CSMD1: variants seen among roughly 807,000 people sequenced by gnomAD.
CSMD1 encodes CUB and sushi domain-containing protein 1.
In CSMD1, 213 loss-of-function variants were observed where a neutral mutation model predicts 417.5. The observed-to-expected ratio is 0.51, with a 90% CI of 0.46 to 0.57. The LOEUF is 0.57. Ranked by LOEUF, CSMD1 falls within the 20% of genes least tolerant of loss-of-function variation. CSMD1 has a pLI of 0.00. For missense variants in CSMD1, 6,923 were observed against 4,529.7 expected, an observed-to-expected ratio of 1.53 and a Z score of -15.17; for synonymous variants, 2,862 against 1,736.8, an observed-to-expected ratio of 1.65 and a Z score of -16.11.
chr8:4,340,997 G>A (rs4568637), intron 3 of CSMD1, among the ~76,000 whole-genome samples: 124,802 of 151,998 alleles, frequency 0.82, 51,441 homozygotes, highest in African/African-American at 0.88. Flanking sequence ...AATTATCACA[G>A]TCATCCTATT....
At chr8:3,245,756 C>G (rs775843978) in intron 26 of CSMD1, among the ~76,000 whole-genome samples, 1 of 152,140 alleles carries the variant, frequency 6.6e-6, no homozygotes, top group African/African-American at 2.4e-5. Context: ...GGATCTAGAA[C>G]GGACTATGTG....
intron 3 of CSMD1, among the ~76,000 whole-genome samples, chr8:4,247,324 G>A (rs150284219): frequency 1.3e-5 from 2 of 152,114 alleles, no homozygotes; most frequent in African/African-American, 4.8e-5. Flanking sequence ...ACACTGCCCT[G>A]TCATACCACA....
At position 3,014,983 on chromosome 8, in the gene CSMD1, T is replaced by C. The variant is rs143992706; in HGVS notation, c.8029+3494A>G. Among the ~76,000 whole-genome samples, 5 of 151,272 alleles carry C rather than the reference T, an allele frequency of 3.3e-5. No individual in the cohort carries two copies. In the East Asian group the frequency reaches 7.7e-4, roughly 23 times the overall value. On this transcript the variant is annotated intron_variant, in intron 52 of 69. Coordinates refer to ENST00000635120, the MANE Select transcript of CSMD1 (RefSeq NM_033225.6). The stretch of plus-strand genomic sequence containing the variant: ...ATTCCATAATAAAGCTTCTTCATGA[T>C]GTGCTTATTACACACCGTATGTGTG...
intron 25 of CSMD1, among the ~76,000 whole-genome samples, chr8:3,305,114 C>T (rs879813608): frequency 6.6e-6 from 1 of 152,084 alleles, no homozygotes. Flanking sequence ...CAACTGGGCT[C>T]AAGACATCCT....
intron 3 of CSMD1, among the ~76,000 whole-genome samples, chr8:4,245,526 C>A (rs141074734): frequency 5.3e-4 from 80 of 152,258 alleles, no homozygotes; most frequent in Non-Finnish European, 9.3e-4. Flanking sequence ...AATCCATGGT[C>A]TCTCCATGCT....
chr8:3,640,575 A>G (rs994434112), intron 7 of CSMD1, among the ~76,000 whole-genome samples: 1 of 152,220 alleles, frequency 6.6e-6, no homozygotes, highest in Non-Finnish European at 1.5e-5. Flanking sequence ...AAGAGAAAAT[A>G]TATTTTCTCT....
intron 2 of CSMD1, among the ~76,000 whole-genome samples, chr8:4,461,836 G>A (rs1015131477): frequency 1.1e-4 from 17 of 151,222 alleles, no homozygotes; most frequent in African/African-American, 4.1e-4. Context: ...CACCTACGGG[G>A]TTCCCGCCAT....
chr8:3,393,070 C>T lies in CSMD1; in HGVS notation c.2593+3124G>A, dbSNP rs187423174. On this transcript the variant is annotated intron_variant, in intron 17 of 69. Coordinates refer to ENST00000635120, the MANE Select transcript of CSMD1 (RefSeq NM_033225.6). ...TCCATATGTCTCTTCAAATACACAGCGACTGATACATAAATAAGAAGTGAT... is the reference window on the plus strand; with the variant it reads ...TCCATATGTCTCTTCAAATACACAGTGACTGATACATAAATAAGAAGTGAT... Among the ~76,000 whole-genome samples, 22 of 152,260 alleles carry T rather than the reference C, an allele frequency of 1.4e-4. No homozygotes were observed. The South Asian group carries it at 1.9e-3, about 13-fold the overall frequency.
chr8:3,646,891 T>G (rs1797602340), intron 7 of CSMD1, among the ~76,000 whole-genome samples: 1 of 152,158 alleles, frequency 6.6e-6, no homozygotes, highest in African/African-American at 2.4e-5. Context: ...TCCTCTAGTT[T>G]TGATGAGTAG....
chr8:4,509,305 T>G (rs1236657952), intron 2 of CSMD1, among the ~76,000 whole-genome samples: 1 of 152,090 alleles, frequency 6.6e-6, no homozygotes, highest in East Asian at 1.9e-4. Context: ...TTGGAAGATG[T>G]TTCCTCCCTA....
At chr8:4,096,853 A>G (rs557922604) in intron 3 of CSMD1, among the ~76,000 whole-genome samples, 5 of 152,142 alleles carry the variant, frequency 3.3e-5, no homozygotes, top group Non-Finnish European at 7.4e-5. Flanking sequence ...TGTCTCAGGT[A>G]AAGGATTCCT....
chr8:4,665,007 T>A (rs1280270485), intron 1 of CSMD1, among the ~76,000 whole-genome samples: 1 of 152,242 alleles, frequency 6.6e-6, no homozygotes, highest in Non-Finnish European at 1.5e-5. Flanking sequence ...TTCTTCATTT[T>A]ATTATTACCA....
intron 1 of CSMD1, among the ~76,000 whole-genome samples, chr8:4,767,276 A>C (rs2118571): frequency 1 from 152,103 of 152,300 alleles, 75,953 homozygotes; most frequent in Middle Eastern, 1. Context: ...TTAAATGCCA[A>C]TTAAAACAAG....
At chr8:4,453,182 AACAC>A (rs1234880347) in intron 2 of CSMD1, among the ~76,000 whole-genome samples, 3 of 148,060 alleles carry the variant, frequency 2.0e-5, no homozygotes, top group Non-Finnish European at 4.5e-5. Flanking sequence ...CCTCCATCCC[AACAC>A]ACAGACACAC....
chr8:4,717,233 G>C (rs1402976727), intron 1 of CSMD1, among the ~76,000 whole-genome samples: 1 of 150,800 alleles, frequency 6.6e-6, no homozygotes, highest in African/African-American at 2.5e-5. Context: ...ACATAACATA[G>C]CTACCTTGGT....
chr8:4,883,155 T>C (rs1406683310), intron 1 of CSMD1, among the ~76,000 whole-genome samples: 1 of 152,034 alleles, frequency 6.6e-6, no homozygotes, highest in African/African-American at 2.4e-5. Context: ...CAATGGGGCA[T>C]CGTCATTTTC....
intron 26 of CSMD1, among the ~76,000 whole-genome samples, chr8:3,243,896 C>T (rs1298358837): frequency 6.6e-6 from 1 of 152,056 alleles, no homozygotes; most frequent in Non-Finnish European, 1.5e-5. Context: ...CTATTAAATG[C>T]ATGAACTACA....
chr8:3,587,161 G>C (rs1250593381), intron 8 of CSMD1, among the ~76,000 whole-genome samples: 1 of 152,168 alleles, frequency 6.6e-6, no homozygotes, highest in Non-Finnish European at 1.5e-5. Flanking sequence ...CCTGGCTCCA[G>C]AGCTGCATTT....
chr8:3,696,140 C>G (rs1208596396), intron 7 of CSMD1, among the ~76,000 whole-genome samples: 2 of 152,186 alleles, frequency 1.3e-5, no homozygotes, highest in Non-Finnish European at 2.9e-5. Context: ...ATGGTTTTCC[C>G]AGATACATAA....
Sources: allele counts gnomAD v4.1 joint callset (sites outside exome capture counted in the v4.1 genomes callset), GRCh38; gene constraint gnomAD v4.1.1; transcripts MANE v1.5; gene names NCBI Gene and HGNC (gene_info 2026-07-23, HGNC 2026-07-21).